SAMD4A: variants seen among roughly 807,000 people sequenced by gnomAD.
SAMD4A encodes protein Smaug homolog 1.
Under a neutral mutation model 81.3 loss-of-function variants are expected in SAMD4A, and 33 were observed. The observed-to-expected ratio is 0.41, with a 90% CI of 0.31 to 0.54. The LOEUF (loss-of-function observed/expected upper bound fraction) is 0.54, where lower values mean the gene tolerates loss of function less well. Among genes scored for constraint, SAMD4A ranks in the 20% least tolerant of loss-of-function variants. The pLI, the probability that SAMD4A is intolerant of heterozygous loss-of-function variation, is 0.37. For synonymous variants in SAMD4A, 389 were observed against 382.1 expected (o/e 1.02, Z -0.21); for missense variants, 854 against 951.1 (o/e 0.90, Z 1.34).
intron 2 of SAMD4A, among the ~76,000 whole-genome samples, chr14:54,637,924 G>A (rs2035075691): frequency 6.6e-6 from 1 of 152,150 alleles, no homozygotes; most frequent in Admixed American, 6.5e-5. Context: ...AACAACGTGT[G>A]CACAGACTCC....
In SAMD4A at chr14:54,602,792, A is replaced by G. The variant is rs549704962; in HGVS notation, c.196+34680A>G. Among the ~76,000 whole-genome samples the G allele has an allele frequency of 3.4e-3, 251 of 74,570 alleles. 1 individual carries two copies. Among genetic ancestry groups the G allele is most frequent in the African/African-American group, 0.014 (227 of 15,680 alleles). The allele number at this position is 74,570 out of a possible 152,430, so 48.9% of individuals were successfully genotyped here. A position where few individuals can be genotyped will look rare whatever the true frequency, so the allele number is the denominator to read the frequency against. On this transcript the variant is annotated intron_variant, in intron 2 of 12. Coordinates refer to ENST00000554335, the MANE Select transcript of SAMD4A (RefSeq NM_015589.6). ...GCACATGTACCCTAGAACTTAAAGTATAATTAAAAAAAAAAAAGACATTCG... is the reference window on the plus strand; with the variant it reads ...GCACATGTACCCTAGAACTTAAAGTGTAATTAAAAAAAAAAAAGACATTCG...
chr14:54,603,875 A>T (rs913254828), intron 2 of SAMD4A, among the ~76,000 whole-genome samples: 1 of 152,060 alleles, frequency 6.6e-6, no homozygotes, highest in African/African-American at 2.4e-5. Flanking sequence ...TCCAGGCTGG[A>T]GTGCAGTGGC....
intron 2 of SAMD4A, among the ~76,000 whole-genome samples, chr14:54,673,449 T>C (rs1410562357): frequency 6.6e-6 from 1 of 152,236 alleles, no homozygotes; most frequent in Non-Finnish European, 1.5e-5. Context: ...GAATAAATAA[T>C]GGCTACCTTG....
At chr14:54,575,274 A>G (rs1295537961) in intron 2 of SAMD4A, among the ~76,000 whole-genome samples, 1 of 152,172 alleles carries the variant, frequency 6.6e-6, no homozygotes, top group Non-Finnish European at 1.5e-5. Flanking sequence ...GACTCTCCTC[A>G]GTCCGATGCT....
chr14:54,587,598 G>T (rs528384783), intron 2 of SAMD4A, among the ~76,000 whole-genome samples: 2 of 151,960 alleles, frequency 1.3e-5, no homozygotes, highest in South Asian at 2.1e-4. Context: ...AATCATAAAG[G>T]GATGCTGGAT....
At chr14:54,659,456 C>T (rs574263171) in intron 2 of SAMD4A, among the ~76,000 whole-genome samples, 26 of 152,216 alleles carry the variant, frequency 1.7e-4, no homozygotes, top group African/African-American at 2.6e-4. Context: ...TGTTTGGTTT[C>T]GCAGTGTGGG....
intron 2 of SAMD4A, among the ~76,000 whole-genome samples, chr14:54,580,291 G>A (rs1389135387): frequency 6.6e-6 from 1 of 152,126 alleles, no homozygotes; most frequent in Non-Finnish European, 1.5e-5. Flanking sequence ...GAATTTCAAA[G>A]ACTACATTCA....
chr14:54,775,250 G>A (rs913000612), intron 10 of SAMD4A, 115 bp downstream of exon 10: 68 of 1,131,236 alleles, frequency 6.0e-5, no homozygotes, highest in Middle Eastern at 2.1e-4. Context: ...TATGCTGGGG[G>A]CAGTTGCCAC....
chr14:54,590,733 C>A (rs1376375508), intron 2 of SAMD4A, among the ~76,000 whole-genome samples: 1 of 152,140 alleles, frequency 6.6e-6, no homozygotes, highest in East Asian at 1.9e-4. Context: ...CAGATGTGCT[C>A]CACACATGAG....
intron 2 of SAMD4A, among the ~76,000 whole-genome samples, chr14:54,597,008 T>C (rs1443328515): frequency 6.6e-6 from 1 of 152,162 alleles, no homozygotes; most frequent in East Asian, 1.9e-4. Context: ...AGAAGTGTTT[T>C]GTTTCATGCC....
At chr14:54,576,706 A>G (rs1456185802) in intron 2 of SAMD4A, among the ~76,000 whole-genome samples, 3 of 152,214 alleles carry the variant, frequency 2.0e-5, no homozygotes, top group Admixed American at 6.5e-5. Context: ...GGAATCCCAT[A>G]TCTAAGTTTC....
Position 54,620,234 on chromosome 14 carries a change from A to G in SAMD4A, c.196+52122A>G, listed in dbSNP as rs187915929. On this transcript the variant is annotated intron_variant, in intron 2 of 12. Transcript: ENST00000554335. ...GTTAGCAGCCGCTGAGCCAAAACCC[A>G]TCTGCAAAGGGGGCCTAGTGTCAGT... is the stretch of plus-strand genomic sequence containing the variant. 1.7e-3 allele frequency among the ~76,000 whole-genome samples: 255 copies of G among 152,288 alleles called. 5 individuals carry two copies. The highest frequency in any genetic ancestry group is 1.9e-3 in the East Asian group (10 of 5,188).
At chr14:54,589,942 T>C (rs1218361709) in intron 2 of SAMD4A, among the ~76,000 whole-genome samples, 1 of 152,232 alleles carries the variant, frequency 6.6e-6, no homozygotes, top group African/African-American at 2.4e-5. Context: ...TTATTCATGC[T>C]GTTTATTACC....
intron 4 of SAMD4A, among the ~76,000 whole-genome samples, chr14:54,743,808 C>G (rs1594887169): frequency 6.6e-6 from 1 of 152,208 alleles, no homozygotes; most frequent in African/African-American, 2.4e-5. Flanking sequence ...CAACGAGGCC[C>G]AAGACCAATC....
chr14:54,784,433 A>G lies in SAMD4A; in HGVS notation c.2045-104A>G, dbSNP rs373026789. 3.7e-4 allele frequency: 591 copies of G among 1,611,986 alleles called. 2 individuals are homozygous for G. Among genetic ancestry groups the G allele is most frequent in the South Asian group, 1.6e-3 (142 of 90,780 alleles). ...TCCATGCCAGCGCTGACAGTCCCCA[A>G]GTCCTCCCAGGGAGGTACACCAGAC... On this transcript the variant is annotated intron_variant, in intron 11 of 12. Coordinates refer to ENST00000554335, the MANE Select transcript of SAMD4A (RefSeq NM_015589.6).
chr14:54,640,085 G>A (rs945583085), intron 2 of SAMD4A, among the ~76,000 whole-genome samples: 2 of 151,800 alleles, frequency 1.3e-5, no homozygotes, highest in African/African-American at 4.8e-5. Context: ...CCATCTGCAA[G>A]TCTGTTACTC....
At chr14:54,739,055 C>CTTTCTT (rs2037776098) in intron 4 of SAMD4A, among the ~76,000 whole-genome samples, 1 of 97,346 alleles carries the variant, frequency 1.0e-5, no homozygotes. Context: ...CTTTCCTTTT[C>CTTTCTT]TTTTTTTTTT....
In SAMD4A at chr14:54,567,893, T is replaced by C. The variant is rs755976060; in HGVS notation, c.-24T>C. ...GGGCTGGGGCGCCCAGGGGGCTCTG[T>C]AGACCGAGGGCGGCCCCCTAACCAT... On this transcript the variant is annotated 5_prime_UTR_variant, in exon 2 of 13. Transcript: ENST00000554335. 1.9e-6 allele frequency: 3 copies of C among 1,596,138 alleles called. No homozygotes were observed. Among genetic ancestry groups the C allele is most frequent in the Admixed American group, 3.4e-5 (2 of 59,110 alleles).
intron 2 of SAMD4A, among the ~76,000 whole-genome samples, chr14:54,626,043 TGTGTGTGTGTGTGTGTGCGCGCGC>T (rs1354007523): frequency 1.5e-5 from 2 of 133,674 alleles, no homozygotes; most frequent in African/African-American, 3.0e-5. Context: ...TGTGTGTGTG[TGTGTGTGTGTGTGTGTGCGCGCGC>T]GCGCGCGCGA....
Sources: gnomAD v4.1 joint callset for allele counts (sites outside exome capture counted in the v4.1 genomes callset) on GRCh38, gnomAD v4.1.1 for gene constraint, MANE v1.5 for transcripts, NCBI Gene and HGNC (gene_info 2026-07-23, HGNC 2026-07-21) for gene names.